Variants in CMIP observed in about 807,000 individuals in gnomAD.
The protein encoded by CMIP is C-Maf-inducing protein.
A neutral mutation model predicts 97.3 loss-of-function variants in CMIP; 13 were observed. The observed-to-expected ratio is 0.13, with a 90% CI of 0.09 to 0.21. The LOEUF is 0.21. Among genes scored for constraint, CMIP ranks in the 10% least tolerant of loss-of-function variants. The pLI is 1.00. For missense variants in CMIP, 847 were observed against 1,024.9 expected (o/e 0.83, Z 2.37); for synonymous variants, 538 against 436.3 (o/e 1.23, Z -2.91).
intron 5 of CMIP, among the ~76,000 whole-genome samples, chr16:81,660,047 AT>A (rs981527224): frequency 1.3e-5 from 2 of 151,930 alleles, no homozygotes; most frequent in Non-Finnish European, 1.5e-5. Flanking sequence ...GGTTTTATTC[AT>A]TCCATTGGCC....
rs747933746 is a variant in CMIP at position 81,678,306 on chromosome 16, C to A, written c.1066C>A (p.Arg356=). ...RDNSPSLKEI[R]NGCQQPCDRK... ...CAATTCCCCAAGCCTGAAGGAAATCCGGAACGGCTGCCAGCAGCCGTGCGA... is the reference window on the plus strand; with the variant it reads ...CAATTCCCCAAGCCTGAAGGAAATCAGGAACGGCTGCCAGCAGCCGTGCGA... The change falls in exon 10 of 21, where the codon CGG becomes AGG. Residue 356 remains arginine, a synonymous_variant. Coordinates refer to ENST00000537098, the MANE Select transcript of CMIP (RefSeq NM_198390.3). 1 of 1,606,692 alleles carries A rather than the reference C, an allele frequency of 6.2e-7. No individual in the cohort carries two copies.
intron 9 of CMIP, among the ~76,000 whole-genome samples, chr16:81,673,146 A>T (rs1316252967): frequency 6.6e-6 from 1 of 152,082 alleles, no homozygotes; most frequent in Admixed American, 6.5e-5. Context: ...ATTTGGGTGG[A>T]AGTGGCTTCC....
intron 1 of CMIP, among the ~76,000 whole-genome samples, chr16:81,457,452 C>G (rs1428520105): frequency 6.6e-6 from 1 of 152,176 alleles, no homozygotes; most frequent in Non-Finnish European, 1.5e-5. Flanking sequence ...GCCATCTACC[C>G]TTTCTCCTAA....
In CMIP at chr16:81,463,575, G is replaced by A. The variant is rs377113794; in HGVS notation, c.300+18034G>A. Reference sequence around the variant, plus strand: ...GGATTTTGTAGGACGATTCAAGCCGGCTCTCTGCCCAGCTGGGTACCGATT... The same window carrying A: ...GGATTTTGTAGGACGATTCAAGCCGACTCTCTGCCCAGCTGGGTACCGATT... On this transcript the variant is annotated intron_variant, in intron 1 of 20. Transcript: ENST00000537098. Among the ~76,000 whole-genome samples, 3 of 152,326 alleles carry A rather than the reference G, an allele frequency of 2.0e-5. No individual in the cohort carries two copies. The East Asian group carries it at 5.8e-4, about 29-fold the overall frequency.
At chr16:81,632,568 T>C (rs1234458027) in intron 3 of CMIP, among the ~76,000 whole-genome samples, 1 of 152,182 alleles carries the variant, frequency 6.6e-6, no homozygotes, top group African/African-American at 2.4e-5. Flanking sequence ...GTCATCCACA[T>C]AGGGAGACTG....
intron 1 of CMIP, among the ~76,000 whole-genome samples, chr16:81,557,630 C>G (rs2090791178): frequency 1.3e-5 from 2 of 152,212 alleles, no homozygotes; most frequent in South Asian, 4.2e-4. Flanking sequence ...TTTTAATTAG[C>G]CAGGCATGGT....
chr16:81,496,050 C>G (rs114334010), intron 1 of CMIP, among the ~76,000 whole-genome samples: 1 of 151,930 alleles, frequency 6.6e-6, no homozygotes, highest in Non-Finnish European at 1.5e-5. Flanking sequence ...AGCCAGGGAC[C>G]GAGGGTGGGG....
intron 1 of CMIP, among the ~76,000 whole-genome samples, chr16:81,555,163 C>G (rs1243031202): frequency 6.6e-6 from 1 of 152,218 alleles, no homozygotes; most frequent in Non-Finnish European, 1.5e-5. Context: ...CTGTCATCTC[C>G]TCTCTTGCAG....
intron 1 of CMIP, among the ~76,000 whole-genome samples, chr16:81,500,256 G>GTCCTTCCTTCCGTCCTTCCTTCCT (rs2089573766): frequency 9.1e-6 from 1 of 109,610 alleles, no homozygotes; most frequent in Non-Finnish European, 2.0e-5. Context: ...CCTTCCTTCC[G>GTCCTTCCTTCCGTCCTTCCTTCCT]TCCTTCCTTC....
Position 81,691,779 on chromosome 16 carries a change from G to A in CMIP, c.1393G>A (p.Asp465Asn), listed in dbSNP as rs371140458. ...CYVEILKLLS[D>N]YDDWRPSLAS... Reference sequence around the variant, plus strand: ...TGTCACCCTCTCTCATTCTAGGTCAGACTATGATGACTGGAGACCGTCTCT... The same window carrying A: ...TGTCACCCTCTCTCATTCTAGGTCAAACTATGATGACTGGAGACCGTCTCT... Residue 465 changes from aspartate (D) to asparagine (N), a missense_variant, in exon 11 of 21, where the codon GAC becomes AAC. By Grantham distance (23) the Asp-to-Asn change is conservative. Around this residue, in one of 4 missense-constraint regions of CMIP, gnomAD observed 202 missense variants for 168.7 expected, o/e 1.20. Coordinates refer to ENST00000537098, the MANE Select transcript of CMIP (RefSeq NM_198390.3). 6.2e-7 allele frequency: 1 copy of A among 1,613,718 alleles called. No individual in the cohort carries two copies. Among genetic ancestry groups the A allele is most frequent in the Non-Finnish European group, 8.5e-7 (1 of 1,179,690 alleles).
At chr16:81,500,670 G>T (rs1384774055) in intron 1 of CMIP, among the ~76,000 whole-genome samples, 1 of 151,740 alleles carries the variant, frequency 6.6e-6, no homozygotes, top group Non-Finnish European at 1.5e-5. Context: ...TGTATTTTTA[G>T]TAGAGACTGG....
intron 3 of CMIP, among the ~76,000 whole-genome samples, chr16:81,622,839 G>A (rs914057427): frequency 2.0e-5 from 3 of 152,194 alleles, no homozygotes; most frequent in Non-Finnish European, 2.9e-5. Context: ...CCAACATGAT[G>A]GGCATAGAAA....
Position 81,711,330 on chromosome 16 carries a change from T to C in CMIP, c.*1531T>C, listed in dbSNP as rs1432797365. ...ACCATGCTTTTGTCGTTTTATACTT[T>C]GCTAGGTAGACTTTATTACCCCCCC... On this transcript the variant is annotated 3_prime_UTR_variant, in exon 21 of 21. Coordinates refer to ENST00000537098, the MANE Select transcript of CMIP (RefSeq NM_198390.3). 1.3e-5 allele frequency: 2 copies of C among 152,422 alleles called. No individual in the cohort carries two copies. The highest frequency in any genetic ancestry group is 3.9e-4 in the East Asian group (2 of 5,184). 9.4% of individuals were successfully genotyped at this position (152,422 alleles called of 1,614,324 possible).
rs559585804 is a variant in CMIP at position 81,655,654 on chromosome 16, C to G, written c.640-2121C>G. Among the ~76,000 whole-genome samples, 1 of 152,212 alleles carries G rather than the reference C, an allele frequency of 6.6e-6. No homozygotes were observed. The highest frequency in any genetic ancestry group is 1.9e-4 in the East Asian group (1 of 5,182). On this transcript the variant is annotated intron_variant, in intron 4 of 20. Coordinates refer to ENST00000537098, the MANE Select transcript of CMIP (RefSeq NM_198390.3). This position sits in a 1 kb window ranked among gnomAD's most constrained non-coding sequence, Gnocchi z 4.9. Reference sequence around the variant, plus strand: ...TCCTGGAAAGGTGCGTGGGTGGCGGCGAGGGATGGATGTGTCGAGCTGCCC... The same window carrying G: ...TCCTGGAAAGGTGCGTGGGTGGCGGGGAGGGATGGATGTGTCGAGCTGCCC...
At chr16:81,560,426 G>T (rs923476483) in intron 1 of CMIP, among the ~76,000 whole-genome samples, 5 of 152,064 alleles carry the variant, frequency 3.3e-5, no homozygotes, top group Non-Finnish European at 5.9e-5. Context: ...CACCGTGTTA[G>T]CCAGGATGGT....
At chr16:81,498,894 C>T (rs1468028466) in intron 1 of CMIP, among the ~76,000 whole-genome samples, 1 of 152,140 alleles carries the variant, frequency 6.6e-6, no homozygotes, top group Admixed American at 6.5e-5. Flanking sequence ...CCCAGCTGTG[C>T]GACCACTCAC....
chr16:81,476,356 C>T, intron 1 of CMIP: 1 of 1,366,814 alleles, frequency 7.3e-7, no homozygotes, highest in Non-Finnish European at 1.0e-6. Flanking sequence ...TGGAATGTTC[C>T]TGTGAAAGCA....
chr16:81,636,576 G>A (rs1368326961), intron 3 of CMIP, among the ~76,000 whole-genome samples: 8 of 106,518 alleles, frequency 7.5e-5, no homozygotes, highest in South Asian at 3.3e-4. Flanking sequence ...GTGAAACTTC[G>A]TCTCAAAAAA....
chr16:81,686,120 G>C (rs1007891097), intron 10 of CMIP, among the ~76,000 whole-genome samples: 1 of 152,194 alleles, frequency 6.6e-6, no homozygotes. Flanking sequence ...ATGGGCTGAC[G>C]CATGGGAGCC....
Sources: allele counts gnomAD v4.1 joint callset (sites outside exome capture counted in the v4.1 genomes callset), GRCh38; gene constraint gnomAD v4.1.1; regional missense constraint gnomAD v4.1.1; non-coding constraint Gnocchi (gnomAD v3.1); transcripts MANE v1.5; gene names NCBI Gene and HGNC (gene_info 2026-07-23, HGNC 2026-07-21).